The following DPP10 variants were observed in gnomAD, a reference collection of about 807,000 sequenced individuals.
DPP10 encodes inactive dipeptidyl peptidase 10.
DPP10 carries 33 observed loss-of-function variants against 120.9 expected under a neutral mutation model. The observed-to-expected ratio is 0.27, with a 90% CI of 0.21 to 0.37. The LOEUF is 0.37. DPP10 is among the 10% of genes least tolerant of loss of function. The pLI is 1.00. For synonymous variants in DPP10, 337 were observed against 326.1 expected, an observed-to-expected ratio of 1.03 and a Z score of -0.36; for missense variants, 816 against 942.8, an observed-to-expected ratio of 0.87 and a Z score of 1.76.
chr2:114,773,827 TAC>T (rs1260561422), intron 1 of DPP10, among the ~76,000 whole-genome samples: 3 of 152,246 alleles, frequency 2.0e-5, no homozygotes, highest in African/African-American at 7.2e-5. Flanking sequence ...TTCATATAGA[TAC>T]AGTCTCTATT....
intron 1 of DPP10, among the ~76,000 whole-genome samples, chr2:114,894,302 A>G (rs745424560): frequency 4.6e-5 from 7 of 152,168 alleles, no homozygotes; most frequent in Non-Finnish European, 1.0e-4. Flanking sequence ...TCTGGTAACA[A>G]TTTATTTCTG....
intron 1 of DPP10, among the ~76,000 whole-genome samples, chr2:114,775,944 G>A (rs566397562): frequency 1.8e-4 from 27 of 152,210 alleles, no homozygotes; most frequent in African/African-American, 6.0e-4. Flanking sequence ...TTACAATGTT[G>A]GTAATACATT....
chr2:115,594,550 A>G (rs1469880480), intron 5 of DPP10, among the ~76,000 whole-genome samples: 1 of 152,182 alleles, frequency 6.6e-6, no homozygotes, highest in Non-Finnish European at 1.5e-5. Context: ...TACACTAACA[A>G]TCCTCATTAA....
At chr2:114,639,462 C>T (rs1482251012) in intron 1 of DPP10, among the ~76,000 whole-genome samples, 1 of 151,616 alleles carries the variant, frequency 6.6e-6, no homozygotes, top group Non-Finnish European at 1.5e-5. Flanking sequence ...TACTCATGGA[C>T]ATAAACATGG....
intron 5 of DPP10, among the ~76,000 whole-genome samples, chr2:115,626,708 T>A (rs754857956): frequency 1.3e-5 from 2 of 152,124 alleles, no homozygotes; most frequent in Non-Finnish European, 2.9e-5. Context: ...TGGATTTTCT[T>A]TAGAAGTATC....
chr2:115,210,113 TG>T (rs780303393), intron 1 of DPP10, among the ~76,000 whole-genome samples: 22 of 152,194 alleles, frequency 1.4e-4, no homozygotes, highest in Non-Finnish European at 2.8e-4. Flanking sequence ...GTTGGTGTGC[TG>T]CACCCATTAA....
rs985654683 is a variant in DPP10 at position 115,420,365 on chromosome 2, G to A, written c.271+76453G>A. On this transcript the variant is annotated intron_variant, in intron 3 of 25. Transcript: ENST00000410059. ...GTATAAACAAGCATGCTTGCAGGAA[G>A]GAGAAAGAGATGGCTAAAACAAAAT... Among the ~76,000 whole-genome samples the A allele has an allele frequency of 3.3e-5, 5 of 152,258 alleles. No homozygotes were observed. The East Asian group carries it at 7.7e-4, about 24-fold the overall frequency.
At chr2:115,303,742 A>G (rs2061245043) in intron 1 of DPP10, among the ~76,000 whole-genome samples, 1 of 151,862 alleles carries the variant, frequency 6.6e-6, no homozygotes, top group African/African-American at 2.4e-5. Context: ...TCTTATTTTA[A>G]TTTGTATTCC....
chr2:114,515,884 C>A (rs892982668), intron 1 of DPP10, among the ~76,000 whole-genome samples: 2 of 151,972 alleles, frequency 1.3e-5, no homozygotes, highest in African/African-American at 4.8e-5. Flanking sequence ...ATCTCCTTAG[C>A]GCTGGTGCTA....
chr2:114,778,665 T>C (rs1409517347), intron 1 of DPP10, among the ~76,000 whole-genome samples: 1 of 151,826 alleles, frequency 6.6e-6, no homozygotes, highest in South Asian at 2.1e-4. Flanking sequence ...GCAAGGAAAG[T>C]ACATGAACCA....
At chr2:115,500,781 C>T (rs1289670658) in intron 4 of DPP10, among the ~76,000 whole-genome samples, 2 of 151,952 alleles carry the variant, frequency 1.3e-5, no homozygotes, top group Admixed American at 6.6e-5. Context: ...TGCCTACTGT[C>T]TAAGAATGTG....
At chr2:115,687,485 G>GGATAGATAGATA (rs3043901) in intron 5 of DPP10, among the ~76,000 whole-genome samples, 2,511 of 146,992 alleles carry the variant, frequency 0.017, 20 homozygotes, top group Non-Finnish European at 0.021. Flanking sequence ...ATGGATGGAT[G>GGATAGATAGATA]GATAGATAGA....
At chr2:114,829,151 C>T (rs972041949) in intron 1 of DPP10, among the ~76,000 whole-genome samples, 9 of 151,672 alleles carry the variant, frequency 5.9e-5, no homozygotes, top group Non-Finnish European at 1.0e-4. Context: ...TAGCCAGGCA[C>T]TGTAGCAGGC....
At chr2:115,803,606 A>T (rs1685538789) in intron 19 of DPP10, among the ~76,000 whole-genome samples, 1 of 151,818 alleles carries the variant, frequency 6.6e-6, no homozygotes, top group Non-Finnish European at 1.5e-5. Flanking sequence ...TTCCTTCAGG[A>T]GCTCTTTTAG....
chr2:114,688,298 A>G (rs191195681), intron 1 of DPP10, among the ~76,000 whole-genome samples: 7 of 151,980 alleles, frequency 4.6e-5, no homozygotes, highest in Non-Finnish European at 1.0e-4. Context: ...AATATAAAAA[A>G]CATTTGAAAA....
chr2:115,194,843 T>C (rs1476909877), intron 1 of DPP10, among the ~76,000 whole-genome samples: 1 of 152,180 alleles, frequency 6.6e-6, no homozygotes, highest in East Asian at 1.9e-4. Flanking sequence ...AGGAGATTAC[T>C]CTGTGTTTCA....
At chr2:115,735,733 A>G (rs1410244671) in intron 8 of DPP10, among the ~76,000 whole-genome samples, 3 of 106,678 alleles carry the variant, frequency 2.8e-5, no homozygotes, top group Admixed American at 1.4e-4. Flanking sequence ...CGGTTTCGCT[A>G]TGTTGGCCAG....
At chr2:115,801,981 T>C (rs985309363) in intron 19 of DPP10, among the ~76,000 whole-genome samples, 2 of 152,064 alleles carry the variant, frequency 1.3e-5, no homozygotes, top group African/African-American at 4.8e-5. Context: ...TCTTTTTCTA[T>C]TGATTGGAAT....
chr2:114,965,964 C>CAAAAAAAAAAAAAAAAAAAAAA (rs57107624), intron 1 of DPP10, among the ~76,000 whole-genome samples: 8 of 74,806 alleles, frequency 1.1e-4, no homozygotes, highest in East Asian at 4.7e-4. Context: ...GACTCCTTCT[C>CAAAAAAAAAAAAAAAAAAAAAA]AAAAAAAAAA....
Sources: gnomAD v4.1 joint callset for allele counts (sites outside exome capture counted in the v4.1 genomes callset) on GRCh38, gnomAD v4.1.1 for gene constraint, MANE v1.5 for transcripts, NCBI Gene and HGNC (gene_info 2026-07-23, HGNC 2026-07-21) for gene names.